RBMXL3: variants seen among roughly 807,000 people sequenced by gnomAD.
The protein encoded by RBMXL3 is RBMX like 3, also known as RNA-binding motif protein, X-linked-like-3.
A neutral mutation model predicts 0.8 loss-of-function variants in RBMXL3; 2 were observed. The ratio of observed to expected loss-of-function variants is 2.54; its 90% CI spans 1.04 to 8.00. RBMXL3 has a LOEUF of 8.00. RBMXL3 is among the 30% of genes most tolerant of loss of function. The pLI, the probability that RBMXL3 is intolerant of heterozygous loss-of-function variation, is 0.04. For missense variants in RBMXL3, 1,127 were observed against 1,068.0 expected (o/e 1.06, Z -0.77); for synonymous variants, 447 against 449.8 (o/e 0.99, Z 0.08).
rs1411109391 is a variant in RBMXL3, at chrX:115,190,010, G to A, written c.569G>A (p.Gly190Asp). 6.8e-5 allele frequency: 79 copies of A among 1,159,945 alleles called. No homozygotes were observed. Among genetic ancestry groups the A allele is most frequent in the Non-Finnish European group, 8.6e-5 (75 of 870,477 alleles). Residue 190 changes from glycine (G) to aspartate (D), a missense_variant, in exon 1 of 1, where the codon GGC becomes GAC. By Grantham distance (94) the Gly-to-Asp change is moderately conservative. Coordinates refer to ENST00000424776, the MANE Select transcript of RBMXL3 (RefSeq NM_001145346.2). ...GCACCGACTGTGTCGGGGCAAGATGGCTACTCAGGCTTGCAGCCACGGCGC... is the reference window on the plus strand; with the variant it reads ...GCACCGACTGTGTCGGGGCAAGATGACTACTCAGGCTTGCAGCCACGGCGC... ...GKAPTVSGQD[G>D]YSGLQPRRWA...
In RBMXL3 at chrX:115,192,311, C is replaced by CT; in HGVS notation, c.2871dup (p.Asp958Ter). On this transcript the variant is annotated frameshift_variant, in exon 1 of 1. Transcript: ENST00000424776. LOFTEE classifies it low-confidence loss of function (END_TRUNC). ...TACGAGGAGTACCGAGGCCCCTCGC[C>CT]TGACGCCCACAGTGGGGGCCGCGAC... is the stretch of plus-strand genomic sequence containing the variant. 1.7e-6 allele frequency: 2 copies of CT among 1,161,007 alleles called. No homozygotes were observed. Among genetic ancestry groups the CT allele is most frequent in the Non-Finnish European group, 2.3e-6 (2 of 867,878 alleles).
chrX:115,190,624 C>CGCTCGCCCAACGCCCACAGCGGAGGCT lies in RBMXL3; in HGVS notation c.1191_1192insAACGCCCACAGCGGAGGCTGCTCGCCC (p.Pro397_Asp398insAsnAlaHisSerGlyGlyCysSerPro), dbSNP rs782064798. On this transcript the variant is annotated inframe_insertion, in exon 1 of 1. Transcript: ENST00000424776. ...AGGCTGCTACGAGGAGTACAGAGGC[C>CGCTCGCCCAACGCCCACAGCGGAGGCT]GCTCGCCCGACGCCCACAGCGGGGG... is the stretch of plus-strand genomic sequence containing the variant. The CGCTCGCCCAACGCCCACAGCGGAGGCT allele has an allele frequency of 2.7e-5, 31 of 1,158,133 alleles. No homozygotes were observed. The highest frequency in any genetic ancestry group is 1.8e-4 in the Admixed American group (7 of 38,235).
Position 115,191,863 on chromosome X carries a change from C to A in RBMXL3, c.2422C>A (p.Arg808=). ...AYSGGHNSSS[R]NDPCRGGGRY... ...CAGCGGGGGCCACAACAGTTCCAGC[C>A]GGAACGACCCCTGCAGAGGAGGAGG... Residue 808 remains arginine (R), a synonymous_variant, in exon 1 of 1, where the codon CGG becomes AGG. Coordinates refer to ENST00000424776, the MANE Select transcript of RBMXL3 (RefSeq NM_001145346.2). The A allele has an allele frequency of 1.7e-6, 2 of 1,159,225 alleles. No homozygotes were observed. The highest frequency in any genetic ancestry group is 1.1e-6 in the Non-Finnish European group (1 of 869,717).
Position 115,191,677 on chromosome X carries a change from C to T in RBMXL3, c.2236C>T (p.Arg746Cys), listed in dbSNP as rs1556559835. The T allele has an allele frequency of 6.9e-6, 8 of 1,162,377 alleles. No homozygotes were observed. In the Admixed American group the frequency reaches 1.0e-4, roughly 15 times the overall value. The change falls in exon 1 of 1, where the codon CGC becomes TGC. Residue 746 changes from arginine (R) to cysteine (C), a missense_variant. Transcript: ENST00000424776. Reference protein sequence around the residue: ...SQSDHYGGGGRSLDANSSGRL... With the variant: ...SQSDHYGGGGCSLDANSSGRL... ...GAGCGACCACTATGGAGGAGGAGGT[C>T]GCTCACTCGATGCCAACAGCAGTGG... is the stretch of plus-strand genomic sequence containing the variant.
At position 115,191,477 on chromosome X, in the gene RBMXL3, C is replaced by T. The variant is rs991576634; in HGVS notation, c.2036C>T (p.Ala679Val). The T allele has an allele frequency of 6.9e-6, 8 of 1,152,264 alleles. No individual in the cohort carries two copies. The highest frequency in any genetic ancestry group is 9.2e-6 in the Non-Finnish European group (8 of 866,879). The allele number at this position is 1,152,264 out of a possible 1,213,427, so 95.0% of individuals were successfully genotyped here. Residue 679 changes from alanine to valine, a missense_variant, in exon 1 of 1, where the codon GCC (alanine) becomes GTC (valine). Ala to Val is a moderately conservative substitution (Grantham distance 64, BLOSUM62 0). Coordinates refer to ENST00000424776, the MANE Select transcript of RBMXL3 (RefSeq NM_001145346.2). ...YEEYRGRLLD[A>V]NSGGRSPDAY... ...GAGTACCGAGGCCGCTTGCTCGATGCCAACAGTGGAGGCCGCTCGCCTGAT... is the reference window on the plus strand; with the variant it reads ...GAGTACCGAGGCCGCTTGCTCGATGTCAACAGTGGAGGCCGCTCGCCTGAT...
chrX:115,191,190 C>T lies in RBMXL3; in HGVS notation c.1749C>T (p.Asn583=). The change falls in exon 1 of 1, where the codon AAC becomes AAT. Residue 583 remains asparagine (N), a synonymous_variant. Coordinates refer to ENST00000424776, the MANE Select transcript of RBMXL3 (RefSeq NM_001145346.2). ...GCCACGACAGTTCCAGCCAGAGCAA[C>T]CGCTACGGAGGAGGAGGCTGCTACG... ...SGGHDSSSQS[N]RYGGGGCYEE... The T allele has an allele frequency of 8.6e-7, 1 of 1,161,520 alleles. No individual in the cohort carries two copies.
In RBMXL3 at chrX:115,191,326, C is replaced by G; in HGVS notation, c.1885C>G (p.Arg629Gly). The G allele has an allele frequency of 2.6e-6, 3 of 1,137,518 alleles. No homozygotes were observed. The highest frequency in any genetic ancestry group is 3.5e-6 in the Non-Finnish European group (3 of 857,476). The allele number at this position is 1,137,518 out of a possible 1,213,427, so 93.7% of individuals were successfully genotyped here. ...SWSHRYGGGG[R>G]YEEYRGRSLD... ...GAGCCACCGCTACGGAGGAGGAGGC[C>G]GCTACGAGGAGTACCGAGGCCGCTC... Residue 629 changes from arginine to glycine, a missense_variant, in exon 1 of 1, where the codon CGC becomes GGC. Coordinates refer to ENST00000424776, the MANE Select transcript of RBMXL3 (RefSeq NM_001145346.2).
rs782632821 is a variant in RBMXL3 at position 115,190,030 on chromosome X, C to T, written c.589C>T (p.Arg197Trp). 172 of 1,156,596 alleles carry T rather than the reference C, an allele frequency of 1.5e-4. No homozygotes were observed. The African/African-American group carries it at 1.7e-3, about 12-fold the overall frequency. The part of the protein sequence containing the change: ...GQDGYSGLQP[R>W]RWAGPPHKRA... ...AGATGGCTACTCAGGCTTGCAGCCA[C>T]GGCGCTGGGCCGGCCCACCCCACAA... The change falls in exon 1 of 1, where the codon CGG (arginine) becomes TGG (tryptophan). Residue 197 changes from arginine (R) to tryptophan (W), a missense_variant. Coordinates refer to ENST00000424776, the MANE Select transcript of RBMXL3 (RefSeq NM_001145346.2).
Position 115,192,868 on chromosome X carries a change from G to A in RBMXL3, c.*223G>A, listed in dbSNP as rs1556561760. ...AGTTCTTGTTAAAAGTATAAGATAT[G>A]AACCTGAGTCTTAGTCTTCTTCTAT... On this transcript the variant is annotated 3_prime_UTR_variant, in exon 1 of 1. Transcript: ENST00000424776. 1 of 395,330 alleles carries A rather than the reference G, an allele frequency of 2.5e-6. No homozygotes were observed. Among genetic ancestry groups the A allele is most frequent in the Non-Finnish European group, 4.5e-6 (1 of 222,678 alleles). 32.6% of individuals were successfully genotyped at this position (395,330 alleles called of 1,213,427 possible).
rs1411221614 is a variant in RBMXL3 at position 115,191,118 on chromosome X, G to A, written c.1677G>A (p.Ser559=). 14 of 1,159,747 alleles carry A rather than the reference G, an allele frequency of 1.2e-5. No homozygotes were observed. The highest frequency in any genetic ancestry group is 4.7e-4 in the Middle Eastern group (2 of 4,272). Residue 559 remains serine (S), a synonymous_variant, in exon 1 of 1, where the codon TCG becomes TCA. Transcript: ENST00000424776. ...GEGRYEYRGR[S]HDAHSGGCSA... ...GCCGCTATGAGTACCGAGGCCGCTC[G>A]CATGACGCCCACAGTGGGGGCTGCT...
At position 115,189,770 on chromosome X, in the gene RBMXL3, G is replaced by C. The variant is rs782718278; in HGVS notation, c.329G>C (p.Arg110Thr). 6.0e-6 allele frequency: 7 copies of C among 1,166,220 alleles called. No individual in the cohort carries two copies. The South Asian group carries it at 9.5e-5, about 16-fold the overall frequency. The change falls in exon 1 of 1, where the codon AGA becomes ACA. Residue 110 changes from arginine (R) to threonine (T), a missense_variant. Transcript: ENST00000424776. ...GGCAGTCGCTCAAGGTTCTCACACAGAACCCGTGGGGGTGGCAGCAGCCCA... is the reference window on the plus strand; with the variant it reads ...GGCAGTCGCTCAAGGTTCTCACACACAACCCGTGGGGGTGGCAGCAGCCCA... The part of the protein sequence containing the change: ...GSGSRSRFSH[R>T]TRGGGSSPQR...
chrX:115,190,893 A>C lies in RBMXL3; in HGVS notation c.1452A>C (p.Gly484=), dbSNP rs1556558289. The C allele has an allele frequency of 5.2e-6, 6 of 1,162,206 alleles. No homozygotes were observed. Among genetic ancestry groups the C allele is most frequent in the Non-Finnish European group, 6.9e-6 (6 of 871,302 alleles). Residue 484 remains glycine (G), a synonymous_variant, in exon 1 of 1, where the codon GGA becomes GGC. Coordinates refer to ENST00000424776, the MANE Select transcript of RBMXL3 (RefSeq NM_001145346.2). ...YQGRSLDANS[G]GCSPEAYSGG... ...GCCGCTCGCTGGATGCCAACAGTGGAGGCTGCTCGCCCGAGGCCTACAGTG... is the reference window on the plus strand; with the variant it reads ...GCCGCTCGCTGGATGCCAACAGTGGCGGCTGCTCGCCCGAGGCCTACAGTG...
At position 115,190,953 on chromosome X, in the gene RBMXL3, C is replaced by A; in HGVS notation, c.1512C>A (p.Tyr504Ter). ...ACAATTCCAGCTGGAGCGACCGCTA[C>A]GGAGTAGGAGGCCACTATGAGGAGA... The part of the protein sequence containing the change: ...GHDNSSWSDR[Y>*]GVGGHYEENR... Residue 504 changes from tyrosine (Y) to a stop codon, truncating the protein, a stop_gained, in exon 1 of 1, where the codon TAC (tyrosine) becomes TAA (stop). Transcript: ENST00000424776. LOFTEE classifies it low-confidence loss of function (END_TRUNC). 1 of 1,163,066 alleles carries A rather than the reference C, an allele frequency of 8.6e-7. No homozygotes were observed. Among genetic ancestry groups the A allele is most frequent in the Non-Finnish European group, 1.1e-6 (1 of 871,640 alleles).
In RBMXL3 at chrX:115,192,566, G is replaced by C. The variant is rs1457298134; in HGVS notation, c.3125G>C (p.Arg1042Pro). The C allele has an allele frequency of 2.6e-6, 3 of 1,169,109 alleles. No homozygotes were observed. The highest frequency in any genetic ancestry group is 3.4e-6 in the Non-Finnish European group (3 of 874,083). The change falls in exon 1 of 1, where the codon CGG (arginine) becomes CCG (proline). Residue 1042 changes from arginine to proline, a missense_variant. Physicochemically the swap from Arg to Pro is moderately radical, Grantham distance 103. Transcript: ENST00000424776. ...CCTCCCCTGCATGATTCTTACAGCC[G>C]GTCAGGCTGCAGGGTGCCCAGGGGC... is the stretch of plus-strand genomic sequence containing the variant. ...GSPPLHDSYS[R>P]SGCRVPRGGG...
In RBMXL3 at chrX:115,191,236, C is replaced by G. The variant is rs782032394; in HGVS notation, c.1795C>G (p.Leu599Val). The change falls in exon 1 of 1, where the codon CTC becomes GTC. Residue 599 changes from leucine (L) to valine (V), a missense_variant. Transcript: ENST00000424776. ...GCYEEYRGRSLDANSGGRSPN... is the reference protein window; with the variant it reads ...GCYEEYRGRSVDANSGGRSPN... The stretch of plus-strand genomic sequence containing the variant: ...CTACGAGGAGTACCGAGGCCGCTCC[C>G]TCGATGCCAACAGTGGAGGCCGCTC... 1 of 1,152,941 alleles carries G rather than the reference C, an allele frequency of 8.7e-7. No homozygotes were observed. Among genetic ancestry groups the G allele is most frequent in the South Asian group, 1.9e-5 (1 of 51,802 alleles).
Position 115,189,579 on chromosome X carries a change from C to G in RBMXL3, c.138C>G (p.Asn46Lys). Reference protein sequence around the residue: ...KVFLMKDRKTNKSRGFAFVTF... With the variant: ...KVFLMKDRKTKKSRGFAFVTF... ...TCCTGATGAAAGACCGAAAAACCAA[C>G]AAGTCGAGGGGCTTCGCGTTCGTCA... Residue 46 changes from asparagine (N) to lysine (K), a missense_variant, in exon 1 of 1, where the codon AAC becomes AAG. By Grantham distance (94) the Asn-to-Lys change is moderately conservative (BLOSUM62 0). Coordinates refer to ENST00000424776, the MANE Select transcript of RBMXL3 (RefSeq NM_001145346.2). 1.7e-6 allele frequency: 2 copies of G among 1,172,734 alleles called. No homozygotes were observed. The highest frequency in any genetic ancestry group is 2.3e-6 in the Non-Finnish European group (2 of 875,347).
Position 115,191,364 on chromosome X carries a change from C to G in RBMXL3, c.1923C>G (p.Asn641Lys), listed in dbSNP as rs2072815643. The G allele has an allele frequency of 3.5e-6, 4 of 1,147,307 alleles. No homozygotes were observed. The highest frequency in any genetic ancestry group is 4.6e-6 in the Non-Finnish European group (4 of 861,473). 94.6% of individuals were successfully genotyped at this position (1,147,307 alleles called of 1,213,427 possible). The change falls in exon 1 of 1, where the codon AAC (asparagine) becomes AAG (lysine). Residue 641 changes from asparagine to lysine, a missense_variant. Asn to Lys is a moderately conservative substitution (Grantham distance 94, BLOSUM62 0). Transcript: ENST00000424776. ...EEYRGRSLDA[N>K]SGGRSPDAYS... Reference sequence around the variant, plus strand: ...ACCGAGGCCGCTCCCTTGATGCCAACAGTGGAGGCCGCTCGCCTGATGCCT... The same window carrying G: ...ACCGAGGCCGCTCCCTTGATGCCAAGAGTGGAGGCCGCTCGCCTGATGCCT...
In RBMXL3 at chrX:115,191,633, G is replaced by A. The variant is rs782725769; in HGVS notation, c.2192G>A (p.Gly731Asp). The change falls in exon 1 of 1, where the codon GGC becomes GAC. Residue 731 changes from glycine (G) to aspartate (D), a missense_variant. Physicochemically the swap from Gly to Asp is moderately conservative, Grantham distance 94. Transcript: ENST00000424776. Reference sequence around the variant, plus strand: ...CGCTCGCCTGACACCTACAGCCGGGGCCACGACAGTTCCAGCCAGAGCGAC... The same window carrying A: ...CGCTCGCCTGACACCTACAGCCGGGACCACGACAGTTCCAGCCAGAGCGAC... Reference protein sequence around the residue: ...GGRSPDTYSRGHDSSSQSDHY... With the variant: ...GGRSPDTYSRDHDSSSQSDHY... 2 of 1,158,299 alleles carry A rather than the reference G, an allele frequency of 1.7e-6. No homozygotes were observed. The highest frequency in any genetic ancestry group is 1.8e-5 in the African/African-American group (1 of 54,938).
Position 115,190,738 on chromosome X carries a change from G to A in RBMXL3, c.1297G>A (p.Ala433Thr), listed in dbSNP as rs2072794757. 21 of 1,164,616 alleles carry A rather than the reference G, an allele frequency of 1.8e-5. No individual in the cohort carries two copies. The highest frequency in any genetic ancestry group is 2.4e-5 in the Non-Finnish European group (21 of 872,364). Residue 433 changes from alanine (A) to threonine (T), a missense_variant, in exon 1 of 1, where the codon GCC (alanine) becomes ACC (threonine). Coordinates refer to ENST00000424776, the MANE Select transcript of RBMXL3 (RefSeq NM_001145346.2). Reference sequence around the variant, plus strand: ...GGAGTACCGAGGCCGCTCACACGAGGCCCGCAGCGGGGGCCGCTCCACTGA... The same window carrying A: ...GGAGTACCGAGGCCGCTCACACGAGACCCGCAGCGGGGGCCGCTCCACTGA... Reference protein sequence around the residue: ...YEEYRGRSHEARSGGRSTDAH... With the variant: ...YEEYRGRSHETRSGGRSTDAH...
Sources: allele counts gnomAD v4.1 joint callset, GRCh38; gene constraint gnomAD v4.1.1; transcripts MANE v1.5; gene names NCBI Gene and HGNC (gene_info 2026-07-23, HGNC 2026-07-21).